Variants in CDYL2 observed in about 807,000 individuals in gnomAD.
CDYL2 encodes the protein chromodomain Y like 2, also known as chromodomain Y-like protein 2.
CDYL2 carries 23 observed loss-of-function variants against 49.4 expected under a neutral mutation model. The ratio of observed to expected loss-of-function variants is 0.47; its 90% CI spans 0.34 to 0.66. CDYL2 has a LOEUF of 0.66. Among genes scored for constraint, CDYL2 ranks in the 30% least tolerant of loss-of-function variants. The pLI, the probability that CDYL2 is intolerant of heterozygous loss-of-function variation, is 0.01. For synonymous variants in CDYL2, 360 were observed against 268.8 expected (o/e 1.34, Z -3.32); for missense variants, 678 against 656.4 (o/e 1.03, Z -0.36).
chr16:80,607,825 G>A (rs1046736118), intron 6 of CDYL2, among the ~76,000 whole-genome samples: 3 of 152,180 alleles, frequency 2.0e-5, no homozygotes, highest in African/African-American at 7.2e-5. Context: ...GACTTTCTTT[G>A]AAAGCAGTGA....
chr16:80,702,962 C>A (rs1227022970), intron 1 of CDYL2, among the ~76,000 whole-genome samples: 4 of 152,064 alleles, frequency 2.6e-5, no homozygotes, highest in Admixed American at 2.6e-4. Context: ...CTTTAAGCCA[C>A]TAAGTCCATA....
chr16:80,650,657 A>T (rs141743432), intron 2 of CDYL2, among the ~76,000 whole-genome samples: 281 of 152,300 alleles, frequency 1.8e-3, no homozygotes, highest in African/African-American at 6.5e-3. Context: ...TATTGAAGAG[A>T]TATCTGCACT....
rs118187565 is a variant in CDYL2, at chr16:80,795,751, G to A, written c.24+8399C>T. ...GCACTCCAGTGTGACAGAACACCCA[G>A]GCCTGGTTGAGTTCTTAGAGTTACC... On this transcript the variant is annotated intron_variant, in intron 1 of 6. Transcript: ENST00000570137. Among the ~76,000 whole-genome samples, 1,039 of 152,272 alleles carry A rather than the reference G, an allele frequency of 6.8e-3. 9 individuals are homozygous for A. Among genetic ancestry groups the A allele is most frequent in the Non-Finnish European group, 8.4e-3 (570 of 68,008 alleles).
intron 2 of CDYL2, among the ~76,000 whole-genome samples, chr16:80,656,436 G>A (rs1007789524): frequency 4.6e-5 from 7 of 152,366 alleles, no homozygotes; most frequent in African/African-American, 1.7e-4. Flanking sequence ...CTCATGGGCT[G>A]CAGGGCTGGA....
At chr16:80,705,859 T>C (rs894849617) in intron 1 of CDYL2, among the ~76,000 whole-genome samples, 1 of 152,282 alleles carries the variant, frequency 6.6e-6, no homozygotes, top group Non-Finnish European at 1.5e-5. Flanking sequence ...CCAACCCCCA[T>C]ATTATAATTT....
rs187240953 is a variant in CDYL2 at position 80,605,249 on chromosome 16, G to A, written c.1363-703C>T. On this transcript the variant is annotated intron_variant, in intron 6 of 6. Coordinates refer to ENST00000570137, the MANE Select transcript of CDYL2 (RefSeq NM_152342.4). ...TGATTATTCATTACTAAAGTATTAC[G>A]TATATACACATATTATGTATTATAT... Among the ~76,000 whole-genome samples, 347 of 150,328 alleles carry A rather than the reference G, an allele frequency of 2.3e-3. 1 individual carries two copies. The highest frequency in any genetic ancestry group is 8.0e-3 in the African/African-American group (327 of 41,062).
chr16:80,674,492 A>G (rs1456377754), intron 2 of CDYL2, among the ~76,000 whole-genome samples: 1 of 152,164 alleles, frequency 6.6e-6, no homozygotes, highest in Non-Finnish European at 1.5e-5. Flanking sequence ...TCACCCATAT[A>G]AAGTGCACAA....
chr16:80,648,004 G>A (rs1332067709), intron 2 of CDYL2, among the ~76,000 whole-genome samples: 1 of 152,058 alleles, frequency 6.6e-6, no homozygotes, highest in Non-Finnish European at 1.5e-5. Context: ...ATGGGATACA[G>A]CTAAAGCAGT....
chr16:80,718,362 A>G (rs753212913), intron 1 of CDYL2, among the ~76,000 whole-genome samples: 1 of 152,194 alleles, frequency 6.6e-6, no homozygotes, highest in Non-Finnish European at 1.5e-5. Flanking sequence ...CTATTACCTT[A>G]TGTGCACAAT....
At position 80,714,002 on chromosome 16, in the gene CDYL2, G is replaced by A. The variant is rs1019342972; in HGVS notation, c.25-28873C>T. ...TTCAGGTCTTCCCAGCAGAGGTGCC[G>A]AACATTGTGGAGGAAAGACAAGCCA... On this transcript the variant is annotated intron_variant, in intron 1 of 6. Coordinates refer to ENST00000570137, the MANE Select transcript of CDYL2 (RefSeq NM_152342.4). 3.9e-5 allele frequency among the ~76,000 whole-genome samples: 6 copies of A among 152,228 alleles called. No individual in the cohort carries two copies. The East Asian group carries it at 1.2e-3, about 29-fold the overall frequency.
intron 2 of CDYL2, among the ~76,000 whole-genome samples, chr16:80,658,626 A>C (rs765612247): frequency 1.2e-4 from 19 of 152,328 alleles, no homozygotes; most frequent in Non-Finnish European, 2.2e-4. Context: ...GAATCCAGTG[A>C]GGTTAAAATG....
chr16:80,724,150 GA>G (rs1298155068), intron 1 of CDYL2, among the ~76,000 whole-genome samples: 1 of 149,678 alleles, frequency 6.7e-6, no homozygotes, highest in African/African-American at 2.5e-5. Context: ...AAAAAGAAGA[GA>G]AAGAAGAAGA....
intron 2 of CDYL2, among the ~76,000 whole-genome samples, chr16:80,656,440 G>C (rs1017417494): frequency 6.6e-6 from 1 of 152,246 alleles, no homozygotes; most frequent in Non-Finnish European, 1.5e-5. Flanking sequence ...TGGGCTGCAG[G>C]GCTGGACAAC....
In CDYL2 at chr16:80,620,911, G is replaced by A; in HGVS notation, c.859C>T (p.Leu287Phe). 5 of 1,605,720 alleles carry A rather than the reference G, an allele frequency of 3.1e-6. No homozygotes were observed. The highest frequency in any genetic ancestry group is 4.3e-6 in the Non-Finnish European group (5 of 1,174,776). ...PEIMKEVRRA[L>F]CNAATDDSKL... ...CTGTCGTCTGTGGCTGCGTTGCAGA[G>A]CGCTCGCCGGACTTCTTTCATGATC... is the stretch of plus-strand genomic sequence containing the variant. The change falls in exon 4 of 7, where the codon CTC becomes TTC. Residue 287 changes from leucine (L) to phenylalanine (F), a missense_variant. Around this residue, in one of 3 missense-constraint regions of CDYL2, gnomAD observed 478 missense variants for 427.0 expected, o/e 1.12. Transcript: ENST00000570137.
chr16:80,741,923 C>T (rs145108328), intron 1 of CDYL2, among the ~76,000 whole-genome samples: 2 of 152,310 alleles, frequency 1.3e-5, no homozygotes, highest in Non-Finnish European at 2.9e-5. Flanking sequence ...TTAGTAATTC[C>T]ACTTTCAGAA....
intron 1 of CDYL2, among the ~76,000 whole-genome samples, chr16:80,765,307 A>G (rs1241818545): frequency 6.6e-6 from 1 of 151,738 alleles, no homozygotes; most frequent in Non-Finnish European, 1.5e-5. Context: ...TCTGGATGAC[A>G]GAACACCTGT....
intron 1 of CDYL2, among the ~76,000 whole-genome samples, chr16:80,755,024 T>G (rs72807954): frequency 7.4e-4 from 112 of 152,270 alleles, no homozygotes; most frequent in Non-Finnish European, 1.4e-3. Context: ...AAAAAGCAGG[T>G]GCTTGGGAGC....
At chr16:80,657,005 A>G (rs1438019787) in intron 2 of CDYL2, among the ~76,000 whole-genome samples, 2 of 152,222 alleles carry the variant, frequency 1.3e-5, no homozygotes, top group Non-Finnish European at 2.9e-5. Flanking sequence ...AGGACCAGGT[A>G]GAGGCGAACA....
intron 2 of CDYL2, 102 bp downstream of exon 2, chr16:80,684,436 C>G: frequency 9.3e-7 from 1 of 1,076,262 alleles, no homozygotes; most frequent in South Asian, 1.5e-5. Context: ...AGCTAAGAGA[C>G]GGGGATGGAG....
Sources: gnomAD v4.1 joint callset for allele counts (sites outside exome capture counted in the v4.1 genomes callset) on GRCh38, gnomAD v4.1.1 for gene constraint, gnomAD v4.1.1 regional missense constraint, MANE v1.5 for transcripts, NCBI Gene and HGNC (gene_info 2026-07-23, HGNC 2026-07-21) for gene names.